The following ACACA variants were observed in gnomAD, a reference collection of about 807,000 sequenced individuals.
The protein encoded by ACACA is acetyl-CoA carboxylase alpha, also known as acetyl-CoA carboxylase 1.
ACACA carries 103 observed loss-of-function variants against 296.1 expected under a neutral mutation model. The ratio of observed to expected loss-of-function variants is 0.35; its 90% CI spans 0.30 to 0.41. ACACA has a LOEUF of 0.41. ACACA is among the 10% of genes least tolerant of loss of function. The pLI is 1.00. For missense variants in ACACA, 1,554 were observed against 2,989.7 expected, an observed-to-expected ratio of 0.52 and a Z score of 11.20; for synonymous variants, 953 against 1,038.6, an observed-to-expected ratio of 0.92 and a Z score of 1.58.
At chr17:37,395,622 G>A (rs1344034170) in intron 1 of ACACA, among the ~76,000 whole-genome samples, 3 of 150,664 alleles carry the variant, frequency 2.0e-5, no homozygotes, top group Non-Finnish European at 4.4e-5. Context: ...TCGGCTCACC[G>A]CAACCTCCGC....
At position 37,192,145 on chromosome 17, in the gene ACACA, G is replaced by A; in HGVS notation, c.4361C>T (p.Thr1454Ile). 1.9e-6 allele frequency: 3 copies of A among 1,614,076 alleles called. No individual in the cohort carries two copies. Among genetic ancestry groups the A allele is most frequent in the Non-Finnish European group, 2.5e-6 (3 of 1,180,004 alleles). The part of the protein sequence containing the change: ...AAKVEVGTEV[T>I]DYRFFVRAII... ...TGCACGAACAAAGAACCTGTAGTCT[G>A]TCACTTCTGTGCCCACTTCCACCTT... is the stretch of plus-strand genomic sequence containing the variant. Residue 1454 changes from threonine (T) to isoleucine (I), a missense_variant, in exon 37 of 56, where the codon ACA (threonine) becomes ATA (isoleucine). This residue lies in a region of ACACA where 179 missense variants were observed against 283.2 expected (regional missense o/e 0.63). Coordinates refer to ENST00000616317, the MANE Select transcript of ACACA (RefSeq NM_198834.3).
At chr17:37,141,652 T>G (rs1405663383) in intron 45 of ACACA, among the ~76,000 whole-genome samples, 3 of 152,184 alleles carry the variant, frequency 2.0e-5, no homozygotes, top group African/African-American at 7.2e-5. Flanking sequence ...CCAAAGTTGC[T>G]TACCTAGTAA....
chr17:37,209,724 C>T (rs973693694), intron 30 of ACACA, among the ~76,000 whole-genome samples: 6 of 152,164 alleles, frequency 3.9e-5, no homozygotes, highest in Non-Finnish European at 5.9e-5. Context: ...TCTGCAAAGA[C>T]CTTGCCATCA....
At chr17:37,133,988 C>T (rs1417189062) in intron 45 of ACACA, among the ~76,000 whole-genome samples, 1 of 152,198 alleles carries the variant, frequency 6.6e-6, no homozygotes, top group Non-Finnish European at 1.5e-5. Flanking sequence ...TCAATATAAA[C>T]TTAAGCCTCA....
chr17:37,258,962 C>G (rs1222915715), intron 12 of ACACA, among the ~76,000 whole-genome samples: 1 of 152,022 alleles, frequency 6.6e-6, no homozygotes, highest in Non-Finnish European at 1.5e-5. Flanking sequence ...CTACCACACT[C>G]TTGTAAGGAA....
intron 45 of ACACA, among the ~76,000 whole-genome samples, chr17:37,148,761 G>T (rs1329704840): frequency 6.6e-6 from 1 of 151,918 alleles, no homozygotes; most frequent in Non-Finnish European, 1.5e-5. Context: ...AAGAGATGGG[G>T]TCTTACTATG....
intron 31 of ACACA, 28 bp from the exon 32 acceptor site, chr17:37,206,907 A>G: frequency 6.4e-7 from 1 of 1,568,662 alleles, no homozygotes; most frequent in Non-Finnish European, 8.8e-7. Flanking sequence ...AACACCCACC[A>G]TGAAAACTCA....
chr17:37,338,681 T>C (rs951836011), intron 2 of ACACA, among the ~76,000 whole-genome samples: 2 of 149,450 alleles, frequency 1.3e-5, no homozygotes, highest in Non-Finnish European at 3.0e-5. Flanking sequence ...CTAATGCCTG[T>C]AATACCCAGC....
intron 3 of ACACA, chr17:37,299,798 A>G: frequency 1.0e-6 from 1 of 993,516 alleles, no homozygotes; most frequent in South Asian, 4.5e-5. Flanking sequence ...GCCCAGGACA[A>G]AAAGACCAAA....
intron 41 of ACACA, among the ~76,000 whole-genome samples, chr17:37,163,367 T>C (rs1395045346): frequency 1.3e-5 from 2 of 152,084 alleles, no homozygotes; most frequent in Non-Finnish European, 2.9e-5. Flanking sequence ...ACAGATGCAG[T>C]TGCCATGCTT....
chr17:37,157,262 G>A (rs545536648), intron 42 of ACACA, among the ~76,000 whole-genome samples: 1 of 152,320 alleles, frequency 6.6e-6, no homozygotes, highest in South Asian at 2.1e-4. Context: ...ATTCTAGGTA[G>A]AAGGAGCAGC....
At chr17:37,183,348 A>G (rs1458241823) in intron 39 of ACACA, among the ~76,000 whole-genome samples, 6 of 152,222 alleles carry the variant, frequency 3.9e-5, no homozygotes, top group Non-Finnish European at 7.3e-5. Context: ...ATATCTTATA[A>G]AGTTAAGCAT....
intron 3 of ACACA, among the ~76,000 whole-genome samples, chr17:37,289,229 T>C (rs1005239736): frequency 6.6e-6 from 1 of 151,848 alleles, no homozygotes; most frequent in African/African-American, 2.4e-5. Context: ...GCCACTGCAC[T>C]CTAGCCTGGG....
rs375581165 is a variant in ACACA at position 37,284,827 on chromosome 17, T to G, written c.471+11A>C. ...GCTTTTGACAAAATAATTCAGCAAGTTACAACTTACCTTCTCAATCACTTT... is the reference window on the plus strand; with the variant it reads ...GCTTTTGACAAAATAATTCAGCAAGGTACAACTTACCTTCTCAATCACTTT... On this transcript the variant is annotated intron_variant, in intron 4 of 55. Coordinates refer to ENST00000616317, the MANE Select transcript of ACACA (RefSeq NM_198834.3). 7 of 1,614,016 alleles carry G rather than the reference T, an allele frequency of 4.3e-6. No individual in the cohort carries two copies. The African/African-American group carries it at 9.3e-5, about 22-fold the overall frequency.
At chr17:37,299,224 C>T in intron 3 of ACACA, 1 of 1,554,122 alleles carries the variant, frequency 6.4e-7, no homozygotes, top group South Asian at 1.1e-5. Context: ...CTGTCAGTAC[C>T]TTACTGTTTT....
Position 37,091,871 on chromosome 17 carries a change from C to G in ACACA, c.6892-2797G>C, listed in dbSNP as rs528632858. On this transcript the variant is annotated intron_variant, in intron 54 of 55. Transcript: ENST00000616317. ...GATTATAGGCGTGTGCCACTGTGCCCAGCCAGAGCCTACAGTTTCTTGTTT... is the reference window on the plus strand; with the variant it reads ...GATTATAGGCGTGTGCCACTGTGCCGAGCCAGAGCCTACAGTTTCTTGTTT... Among the ~76,000 whole-genome samples the G allele has an allele frequency of 2.0e-5, 3 of 152,190 alleles. No individual in the cohort carries two copies. In the East Asian group the frequency reaches 5.8e-4, roughly 30 times the overall value.
intron 45 of ACACA, among the ~76,000 whole-genome samples, chr17:37,134,772 T>C (rs747751132): frequency 1.5e-4 from 23 of 152,202 alleles, no homozygotes; most frequent in Non-Finnish European, 2.2e-4. Context: ...TCCTCCTTCT[T>C]ATTAGGACAT....
At chr17:37,180,009 T>C (rs1295341466) in intron 40 of ACACA, among the ~76,000 whole-genome samples, 1 of 152,208 alleles carries the variant, frequency 6.6e-6, no homozygotes. Context: ...TATTATGATT[T>C]CCATTTCCAA....
At chr17:37,101,069 C>G (rs899078686) in intron 52 of ACACA, among the ~76,000 whole-genome samples, 1 of 148,536 alleles carries the variant, frequency 6.7e-6, no homozygotes, top group African/African-American at 2.5e-5. Flanking sequence ...TGCACTCCAG[C>G]CTGAGTGACT....
Sources: gnomAD v4.1 joint callset for allele counts (sites outside exome capture counted in the v4.1 genomes callset) on GRCh38, gnomAD v4.1.1 for gene constraint, gnomAD v4.1.1 regional missense constraint, MANE v1.5 for transcripts, NCBI Gene and HGNC (gene_info 2026-07-23, HGNC 2026-07-21) for gene names.